Variants in MAMLD1 observed in about 807,000 individuals in gnomAD.
MAMLD1 encodes the protein mastermind-like domain-containing protein 1.
Under a neutral mutation model 45.0 loss-of-function variants are expected in MAMLD1, and 14 were observed. The observed-to-expected ratio is 0.31, with a 90% CI of 0.21 to 0.49. The LOEUF is 0.49. Ranked by LOEUF, MAMLD1 falls within the 20% of genes least tolerant of loss-of-function variation. The pLI, the probability that MAMLD1 is intolerant of heterozygous loss-of-function variation, is 0.99. For synonymous variants in MAMLD1, 254 were observed against 247.8 expected (o/e 1.02, Z -0.24); for missense variants, 543 against 603.6 (o/e 0.90, Z 1.05).
At chrX:150,507,793 C>T (rs2037776639) in intron 6 of MAMLD1, among the ~76,000 whole-genome samples, 1 of 112,550 alleles carries the variant, frequency 8.9e-6, no homozygotes, top group Admixed American at 9.3e-5. Flanking sequence ...CTGGGCTTGG[C>T]TTTCTCTTTC....
At chrX:150,468,931 T>C (rs1397669058) in intron 3 of MAMLD1, among the ~76,000 whole-genome samples, 1 of 110,987 alleles carries the variant, frequency 9.0e-6, no homozygotes, top group African/African-American at 3.3e-5. Flanking sequence ...AATTGTTGGG[T>C]ATAGGTTCTT....
intron 1 of MAMLD1, among the ~76,000 whole-genome samples, chrX:150,404,017 A>AG (rs2033933182): frequency 8.8e-5 from 7 of 79,119 alleles, no homozygotes; most frequent in African/African-American, 3.8e-4. Context: ...GGAAGAAAGA[A>AG]GAAGGGAGGG....
At chrX:150,417,698 C>T (rs1342733508) in intron 1 of MAMLD1, among the ~76,000 whole-genome samples, 1 of 106,990 alleles carries the variant, frequency 9.3e-6, no homozygotes, top group Non-Finnish European at 1.9e-5. Flanking sequence ...TAATGATCGC[C>T]ATTCTAACTG....
At chrX:150,394,499 T>C (rs1490657649) in intron 1 of MAMLD1, among the ~76,000 whole-genome samples, 3 of 111,023 alleles carry the variant, frequency 2.7e-5, no homozygotes, top group African/African-American at 6.5e-5. Flanking sequence ...GGAGTATTGA[T>C]TGGGATTGCA....
chrX:150,456,709 G>C (rs1256088824), intron 2 of MAMLD1, among the ~76,000 whole-genome samples: 2 of 112,569 alleles, frequency 1.8e-5, no homozygotes, highest in Non-Finnish European at 3.8e-5. Flanking sequence ...TCATTGTGCA[G>C]ACACGTCTCT....
Position 150,382,076 on chromosome X carries a change from G to C in MAMLD1, c.-64+18546G>C, listed in dbSNP as rs1257118991. Among the ~76,000 whole-genome samples the C allele has an allele frequency of 2.7e-5, 3 of 110,938 alleles. No homozygotes were observed. In the East Asian group the frequency reaches 8.4e-4, roughly 31 times the overall value. On this transcript the variant is annotated intron_variant, in intron 1 of 7. Transcript: ENST00000370401. ...CTAAGAACTCTACCCCAAGTCTTAG[G>C]TCCTGAAAATTTTCTCTAATATTTT...
intron 1 of MAMLD1, among the ~76,000 whole-genome samples, chrX:150,366,748 C>T (rs112289435): frequency 0.094 from 10,397 of 110,943 alleles, 390 homozygotes; most frequent in Non-Finnish European, 0.11. Flanking sequence ...CTCTGGGGGC[C>T]GCCCTGCCCT....
At chrX:150,366,104 G>A (rs2031421527) in intron 1 of MAMLD1, among the ~76,000 whole-genome samples, 1 of 111,960 alleles carries the variant, frequency 8.9e-6, no homozygotes, top group African/African-American at 3.3e-5. Flanking sequence ...AGGAAAGTGG[G>A]CGGGGCCCAG....
chrX:150,437,083 G>A (rs2035146281), intron 1 of MAMLD1, among the ~76,000 whole-genome samples: 1 of 111,184 alleles, frequency 9.0e-6, no homozygotes, highest in South Asian at 3.8e-4. Flanking sequence ...TTCAAGGTTA[G>A]AAACCTGCTG....
chrX:150,392,933 T>C (rs1357622513), intron 1 of MAMLD1, among the ~76,000 whole-genome samples: 1 of 110,880 alleles, frequency 9.0e-6, no homozygotes, highest in Non-Finnish European at 1.9e-5. Flanking sequence ...TTTGCTACAA[T>C]TGATGAACCT....
In MAMLD1 at chrX:150,375,032, G is replaced by A. The variant is rs149504118; in HGVS notation, c.-64+11502G>A. The stretch of plus-strand genomic sequence containing the variant: ...GGAGCCTCAGGTTGGGCCTGCTGGT[G>A]TGTGGGGGGTCTGCTTAGGAGGGAA... On this transcript the variant is annotated intron_variant, in intron 1 of 7. Transcript: ENST00000370401. 6.1e-4 allele frequency among the ~76,000 whole-genome samples: 68 copies of A among 110,584 alleles called. No homozygotes were observed. In the East Asian group the frequency reaches 0.016, roughly 27 times the overall value.
At chrX:150,370,486 G>T (rs1557400961) in intron 1 of MAMLD1, among the ~76,000 whole-genome samples, 1 of 111,958 alleles carries the variant, frequency 8.9e-6, no homozygotes, top group African/African-American at 3.3e-5. Context: ...GAGCTGTCAG[G>T]ACAGTTAGTC....
At chrX:150,425,695 C>T (rs1462590632) in intron 1 of MAMLD1, among the ~76,000 whole-genome samples, 2 of 110,925 alleles carry the variant, frequency 1.8e-5, no homozygotes, top group East Asian at 5.7e-4. Flanking sequence ...CACTCTGGGG[C>T]TACAGCCACA....
rs1434589608 is a variant in MAMLD1, at chrX:150,376,885, A to T, written c.-64+13355A>T. Among the ~76,000 whole-genome samples, 593 of 109,991 alleles carry T rather than the reference A, an allele frequency of 5.4e-3. 2 individuals are homozygous for T. Among genetic ancestry groups the T allele is most frequent in the African/African-American group, 0.019 (571 of 30,419 alleles). ...GCTAATTTTCATTATGGAAAAAAAA[A>T]AAAAACAATCCCAAGCCACCCCACC... On this transcript the variant is annotated intron_variant, in intron 1 of 7. Transcript: ENST00000370401.
intron 1 of MAMLD1, among the ~76,000 whole-genome samples, chrX:150,429,830 T>C (rs1214269619): frequency 9.1e-6 from 1 of 109,290 alleles, no homozygotes; most frequent in Non-Finnish European, 1.9e-5. Flanking sequence ...TTGTCATTGT[T>C]TTTTAGCTTA....
At chrX:150,405,511 A>T (rs1018629622) in intron 1 of MAMLD1, among the ~76,000 whole-genome samples, 5 of 111,390 alleles carry the variant, frequency 4.5e-5, no homozygotes, top group Non-Finnish European at 9.4e-5. Context: ...TTTTCTGGGC[A>T]CTCACTTCCA....
At chrX:150,398,317 GAA>G (rs2033566437) in intron 1 of MAMLD1, among the ~76,000 whole-genome samples, 22 of 97,416 alleles carry the variant, frequency 2.3e-4, no homozygotes, top group Non-Finnish European at 2.5e-4. Context: ...AGAAGAAGAA[GAA>G]GAAGAAGAAG....
At chrX:150,460,039 C>T (rs2035986897) in intron 2 of MAMLD1, among the ~76,000 whole-genome samples, 1 of 112,406 alleles carries the variant, frequency 8.9e-6, no homozygotes, top group Admixed American at 9.4e-5. Context: ...ATATCTTTCT[C>T]ATAGAGTTGT....
At chrX:150,472,673 A>T (rs2036465832) in intron 4 of MAMLD1, among the ~76,000 whole-genome samples, 1 of 112,016 alleles carries the variant, frequency 8.9e-6, no homozygotes, top group Non-Finnish European at 1.9e-5. Context: ...ATGGGGAGAG[A>T]GGGAGGAGGG....
Sources: gnomAD v4.1 joint callset for allele counts (sites outside exome capture counted in the v4.1 genomes callset) on GRCh38, gnomAD v4.1.1 for gene constraint, MANE v1.5 for transcripts, NCBI Gene and HGNC (gene_info 2026-07-23, HGNC 2026-07-21) for gene names.